ROBO2: variants seen among roughly 807,000 people sequenced by gnomAD.
ROBO2 encodes roundabout guidance receptor 2.
Under a neutral mutation model 160.8 loss-of-function variants are expected in ROBO2, and 53 were observed. That is an observed-to-expected ratio of 0.33 (90% CI 0.26 to 0.41). ROBO2 has a LOEUF of 0.41. ROBO2 is among the 10% of genes least tolerant of loss of function. The pLI is 1.00. For missense variants in ROBO2, 1,577 were observed against 1,722.4 expected, an observed-to-expected ratio of 0.92 and a Z score of 1.49; for synonymous variants, 664 against 611.7, an observed-to-expected ratio of 1.09 and a Z score of -1.26.
At chr3:76,653,250 G>A (rs2091335150) in intron 2 of ROBO2, among the ~76,000 whole-genome samples, 1 of 151,652 alleles carries the variant, frequency 6.6e-6, no homozygotes, top group African/African-American at 2.4e-5. Flanking sequence ...TACTGTCATA[G>A]GAATTCTCAC....
At chr3:77,328,167 A>G (rs769108527) in intron 2 of ROBO2, among the ~76,000 whole-genome samples, 6 of 142,048 alleles carry the variant, frequency 4.2e-5, no homozygotes, top group Non-Finnish European at 9.1e-5. Context: ...CTCTGCCCCC[A>G]TCACTTCCTC....
intron 2 of ROBO2, among the ~76,000 whole-genome samples, chr3:77,131,580 A>G (rs2075858921): frequency 6.6e-6 from 1 of 152,212 alleles, no homozygotes; most frequent in Non-Finnish European, 1.5e-5. Flanking sequence ...CCTGCCAGTA[A>G]CATAAGGGGA....
chr3:77,471,899 C>T (rs570358978), intron 2 of ROBO2, among the ~76,000 whole-genome samples: 1 of 152,262 alleles, frequency 6.6e-6, no homozygotes, highest in Admixed American at 6.5e-5. Flanking sequence ...GGTGTCAACT[C>T]TGGTCTTTCC....
At chr3:76,901,170 T>C (rs1379708186) in intron 2 of ROBO2, among the ~76,000 whole-genome samples, 8 of 151,730 alleles carry the variant, frequency 5.3e-5, no homozygotes, top group Admixed American at 2.0e-4. Flanking sequence ...CTGTATTAAA[T>C]TGCAACACTC....
intron 2 of ROBO2, among the ~76,000 whole-genome samples, chr3:77,274,745 T>G (rs1261046402): frequency 2.6e-5 from 4 of 152,112 alleles, no homozygotes; most frequent in Admixed American, 2.0e-4. Context: ...TTTCCCGCCC[T>G]CTGTGAAGAG....
chr3:77,480,034 G>A (rs144429444), intron 3 of ROBO2, among the ~76,000 whole-genome samples: 4 of 152,120 alleles, frequency 2.6e-5, no homozygotes, highest in South Asian at 2.1e-4. Flanking sequence ...GGCCTTCACA[G>A]CCATTTTTAT....
intron 2 of ROBO2, among the ~76,000 whole-genome samples, chr3:76,534,989 A>C (rs941093941): frequency 1.3e-5 from 2 of 152,092 alleles, no homozygotes; most frequent in African/African-American, 4.8e-5. Context: ...GGGCCTGACC[A>C]AAGTAGTGTG....
intron 2 of ROBO2, among the ~76,000 whole-genome samples, chr3:76,049,018 A>G (rs941805010): frequency 5.3e-5 from 8 of 152,106 alleles, no homozygotes; most frequent in Admixed American, 4.6e-4. Flanking sequence ...TGGTACAACT[A>G]TTAATAAAAA....
chr3:76,343,149 G>A (rs974441686), intron 2 of ROBO2, among the ~76,000 whole-genome samples: 4 of 151,940 alleles, frequency 2.6e-5, no homozygotes, highest in Non-Finnish European at 4.4e-5. Context: ...GTGGAATTCA[G>A]CTAATATTAC....
chr3:76,804,409 G>A (rs1030146587), intron 2 of ROBO2, among the ~76,000 whole-genome samples: 2 of 152,226 alleles, frequency 1.3e-5, no homozygotes, highest in South Asian at 2.1e-4. Flanking sequence ...CGTAGCAGTC[G>A]GTTTTCTAAC....
At chr3:76,511,721 A>C (rs1279693379) in intron 2 of ROBO2, among the ~76,000 whole-genome samples, 1 of 152,202 alleles carries the variant, frequency 6.6e-6, no homozygotes, top group Admixed American at 6.5e-5. Context: ...GCCTGCCTTT[A>C]TGTTCACAGA....
At chr3:76,227,914 G>T (rs1478898252) in intron 2 of ROBO2, among the ~76,000 whole-genome samples, 1 of 151,972 alleles carries the variant, frequency 6.6e-6, no homozygotes, top group Non-Finnish European at 1.5e-5. Context: ...AAGCCTAACT[G>T]GTTTTAGATT....
In ROBO2 at chr3:76,037,190, A is replaced by G. The variant is rs191351970; in HGVS notation, c.109+99588A>G. Among the ~76,000 whole-genome samples the G allele has an allele frequency of 1.9e-3, 286 of 151,446 alleles. 7 individuals are homozygous for G. The highest frequency in any genetic ancestry group is 6.8e-3 in the African/African-American group (279 of 41,090). On this transcript the variant is annotated intron_variant, in intron 2 of 26. Transcript: ENST00000487694. The stretch of plus-strand genomic sequence containing the variant: ...CTGCATCATCCTGATACATATTCCT[A>G]TGTTGCCCATACTGTATTCAGTGGT...
intron 2 of ROBO2, among the ~76,000 whole-genome samples, chr3:76,279,192 C>A (rs1312394371): frequency 6.6e-6 from 1 of 151,312 alleles, no homozygotes; most frequent in African/African-American, 2.4e-5. Flanking sequence ...ATGACCATTG[C>A]AAGCTCACTT....
Position 77,387,747 on chromosome 3 carries a change from C to T in ROBO2, c.389-89667C>T, listed in dbSNP as rs1295858956. On this transcript the variant is annotated intron_variant, in intron 2 of 25. Coordinates refer to ENST00000461745, the Ensembl canonical transcript of ROBO2. ...GGTTAAATATCCCCACAGGTAGCTACTCTATGTTCATCTTATCTTATGTAA... is the reference window on the plus strand; with the variant it reads ...GGTTAAATATCCCCACAGGTAGCTATTCTATGTTCATCTTATCTTATGTAA... 2.0e-5 allele frequency among the ~76,000 whole-genome samples: 3 copies of T among 152,182 alleles called. No individual in the cohort carries two copies. In the East Asian group the frequency reaches 5.8e-4, roughly 30 times the overall value.
intron 2 of ROBO2, among the ~76,000 whole-genome samples, chr3:76,406,188 C>T (rs1030312907): frequency 1.8e-4 from 28 of 151,668 alleles, no homozygotes; most frequent in African/African-American, 6.5e-4. Flanking sequence ...CCTTTATTGT[C>T]AAGTTAGCAC....
At chr3:76,645,529 GAATGT>G (rs2090921454) in intron 2 of ROBO2, among the ~76,000 whole-genome samples, 1 of 152,128 alleles carries the variant, frequency 6.6e-6, no homozygotes, top group Non-Finnish European at 1.5e-5. Context: ...CAGTCTATAT[GAATGT>G]AAGTGTTATA....
intron 2 of ROBO2, among the ~76,000 whole-genome samples, chr3:76,450,045 T>C (rs1046723876): frequency 9.2e-5 from 14 of 152,162 alleles, no homozygotes; most frequent in Non-Finnish European, 1.8e-4. Context: ...ATCAAGAACA[T>C]TGTTTCTATT....
chr3:77,622,451 T>A lies in ROBO2; in HGVS notation c.3760+19T>A. The A allele has an allele frequency of 6.2e-7, 1 of 1,609,360 alleles. No homozygotes were observed. The highest frequency in any genetic ancestry group is 8.5e-7 in the Non-Finnish European group (1 of 1,175,960). On this transcript the variant is annotated intron_variant, in intron 23 of 25. Transcript: ENST00000461745. The stretch of plus-strand genomic sequence containing the variant: ...GTGACAGGTAACGGAACCAATTTAA[T>A]AGGAAAAACTGACCTATTGGTAACA...
Sources: allele counts gnomAD v4.1 joint callset (sites outside exome capture counted in the v4.1 genomes callset), GRCh38; gene constraint gnomAD v4.1.1; transcripts MANE v1.5; gene names NCBI Gene and HGNC (gene_info 2026-07-23, HGNC 2026-07-21).